The following PCDHGB2 variants were observed in gnomAD, a reference collection of about 807,000 sequenced individuals.
The protein encoded by PCDHGB2 is protocadherin gamma subfamily B, 2.
Under a neutral mutation model 59.3 loss-of-function variants are expected in PCDHGB2, and 55 were observed. The ratio of observed to expected loss-of-function variants is 0.93; its 90% CI spans 0.75 to 1.16. PCDHGB2 has a LOEUF of 1.16. Among genes scored for constraint, PCDHGB2 ranks in the 50% most tolerant of loss-of-function variants. PCDHGB2 has a pLI of 0.00. For synonymous variants in PCDHGB2, 516 were observed against 512.0 expected (o/e 1.01, Z -0.11); for missense variants, 1,228 against 1,198.5 (o/e 1.02, Z -0.36).
chr5:141,502,601 A>G (rs2099815205), intron 2 of PCDHGB2, among the ~76,000 whole-genome samples: 1 of 152,218 alleles, frequency 6.6e-6, no homozygotes, highest in Non-Finnish European at 1.5e-5. Flanking sequence ...ATATTTTAAA[A>G]TATTTGTGAA....
At chr5:141,398,284 G>A (rs1462851627) in intron 1 of PCDHGB2, 1 of 1,400,106 alleles carries the variant, frequency 7.1e-7, no homozygotes, top group Non-Finnish European at 9.8e-7. Flanking sequence ...CCTCGCCACG[G>A]ACCTGGGGTT....
rs2096651086 is a variant in PCDHGB2 at position 141,422,486 on chromosome 5, A to G, written c.2421+59930A>G. Reference sequence around the variant, plus strand: ...GACAGGGAGTTGGTCCAGAGCTACAATATAACGTTGACAGCCACAGACCAG... The same window carrying G: ...GACAGGGAGTTGGTCCAGAGCTACAGTATAACGTTGACAGCCACAGACCAG... On this transcript the variant is annotated intron_variant, in intron 1 of 3. Coordinates refer to ENST00000522605, the MANE Select transcript of PCDHGB2 (RefSeq NM_018923.3). The G allele has an allele frequency of 1.2e-6, 2 of 1,613,852 alleles. No individual in the cohort carries two copies. The highest frequency in any genetic ancestry group is 1.3e-5 in the African/African-American group (1 of 74,924).
intron 1 of PCDHGB2, among the ~76,000 whole-genome samples, chr5:141,382,425 AAG>A (rs1778199818): frequency 6.6e-6 from 1 of 152,212 alleles, no homozygotes; most frequent in Admixed American, 6.5e-5. Flanking sequence ...CAGTGCCCAA[AAG>A]AGTCACTTGA....
chr5:141,400,713 T>G (rs1225008709), intron 1 of PCDHGB2: 1 of 686,914 alleles, frequency 1.5e-6, no homozygotes, highest in Admixed American at 3.0e-5. Flanking sequence ...GAAGTAGCCT[T>G]ATAGATTTAC....
chr5:141,431,868 A>G lies in PCDHGB2; in HGVS notation c.2422-62939A>G, dbSNP rs755283039. On this transcript the variant is annotated intron_variant, in intron 1 of 3. Coordinates refer to ENST00000522605, the MANE Select transcript of PCDHGB2 (RefSeq NM_018923.3). This position sits in a 1 kb window ranked among gnomAD's most constrained non-coding sequence, Gnocchi z 4.8. ...AGAGGGACATTAATTGCCCTTTTAAATGTAAATGACCAAGATTCTGAGGAA... is the reference window on the plus strand; with the variant it reads ...AGAGGGACATTAATTGCCCTTTTAAGTGTAAATGACCAAGATTCTGAGGAA... 4.3e-6 allele frequency: 7 copies of G among 1,614,102 alleles called. No individual in the cohort carries two copies. In the South Asian group the frequency reaches 6.6e-5, roughly 15 times the overall value.
intron 1 of PCDHGB2, chr5:141,419,724 G>A (rs200134846): frequency 1.9e-4 from 301 of 1,613,488 alleles, no homozygotes; most frequent in South Asian, 1.2e-3. Context: ...CTGGGGCTGC[G>A]AACAGGCGAG....
intron 1 of PCDHGB2, among the ~76,000 whole-genome samples, chr5:141,474,417 C>CCATT (rs1206525105): frequency 6.6e-6 from 1 of 152,222 alleles, no homozygotes; most frequent in East Asian, 1.9e-4. Context: ...GATGCCTAGA[C>CCATT]CATTGGTCCT....
At position 141,383,491 on chromosome 5, in the gene PCDHGB2, C is replaced by T. The variant is rs116533786; in HGVS notation, c.2421+20935C>T. The T allele has an allele frequency of 1.9e-6, 3 of 1,613,000 alleles. No individual in the cohort carries two copies. The highest frequency in any genetic ancestry group is 2.5e-6 in the Non-Finnish European group (3 of 1,179,496). On this transcript the variant is annotated intron_variant, in intron 1 of 3. Coordinates refer to ENST00000522605, the MANE Select transcript of PCDHGB2 (RefSeq NM_018923.3). Reference sequence around the variant, plus strand: ...TAAGTACCCGGAACTGGTGCTGGAGCGGGTGCTGGACCGGGAGGAAGAGCG... The same window carrying T: ...TAAGTACCCGGAACTGGTGCTGGAGTGGGTGCTGGACCGGGAGGAAGAGCG...
At chr5:141,362,927 A>G (rs940614958) in intron 1 of PCDHGB2, among the ~76,000 whole-genome samples, 2 of 152,224 alleles carry the variant, frequency 1.3e-5, no homozygotes, top group African/African-American at 2.4e-5. Context: ...GAGTAAAGAG[A>G]GTCTTCATTT....
chr5:141,481,030 C>A (rs1277171839), intron 1 of PCDHGB2, among the ~76,000 whole-genome samples: 1 of 152,024 alleles, frequency 6.6e-6, no homozygotes, highest in African/African-American at 2.4e-5. Context: ...TGCACTCCAG[C>A]CTGGGCGACA....
rs1394234849 is a variant in PCDHGB2 at position 141,415,739 on chromosome 5, GGTTT to G, written c.2421+53184_2421+53187del. The G allele has an allele frequency of 1.9e-3, 837 of 434,806 alleles. 9 individuals are homozygous for G. In the African/African-American group the frequency reaches 0.026, roughly 14 times the overall value. The allele number at this position is 434,806 out of a possible 1,614,324, so 26.9% of individuals were successfully genotyped here. A position where few individuals can be genotyped will look rare whatever the true frequency, so the allele number is the denominator to read the frequency against. On this transcript the variant is annotated intron_variant, in intron 1 of 3. Coordinates refer to ENST00000522605, the MANE Select transcript of PCDHGB2 (RefSeq NM_018923.3). ...ATGAGTAGAATTTGATGTTTATTAAGGTTTTTTTTTTTTTTTTTTTTTTTTTTTT... is the reference window on the plus strand; with the variant it reads ...ATGAGTAGAATTTGATGTTTATTAAGTTTTTTTTTTTTTTTTTTTTTTTTT...
At chr5:141,461,892 C>T (rs976827774) in intron 1 of PCDHGB2, among the ~76,000 whole-genome samples, 2 of 152,030 alleles carry the variant, frequency 1.3e-5, no homozygotes, top group Non-Finnish European at 2.9e-5. Context: ...GGCACGATCT[C>T]GGCTCACTGC....
chr5:141,443,827 G>A (rs1425599112), intron 1 of PCDHGB2, among the ~76,000 whole-genome samples: 1 of 152,054 alleles, frequency 6.6e-6, no homozygotes, highest in African/African-American at 2.4e-5. Context: ...ACATAATTAG[G>A]TAAAATGGGT....
Position 141,404,436 on chromosome 5 carries a change from C to T in PCDHGB2, c.2421+41880C>T. On this transcript the variant is annotated intron_variant, in intron 1 of 3. Transcript: ENST00000522605. Reference sequence around the variant, plus strand: ...GTTATTTACTCCTTGGCAGAGGATACCATCCAAGGGTCTCCTCTCTCCACC... The same window carrying T: ...GTTATTTACTCCTTGGCAGAGGATATCATCCAAGGGTCTCCTCTCTCCACC... 1.9e-6 allele frequency: 3 copies of T among 1,612,706 alleles called. No individual in the cohort carries two copies. In the East Asian group the frequency reaches 6.7e-5, roughly 36 times the overall value.
In PCDHGB2 at chr5:141,432,330, A is replaced by G. The variant is rs760184218; in HGVS notation, c.2422-62477A>G. 82 of 1,614,134 alleles carry G rather than the reference A, an allele frequency of 5.1e-5. No individual in the cohort carries two copies. The highest frequency in any genetic ancestry group is 6.8e-5 in the Non-Finnish European group (80 of 1,180,048). Reference sequence around the variant, plus strand: ...GCGCTGAGCTCCTTCGACTACGAGCAGTTCCGAGACTTGCAAGTGAAAGTG... The same window carrying G: ...GCGCTGAGCTCCTTCGACTACGAGCGGTTCCGAGACTTGCAAGTGAAAGTG... On this transcript the variant is annotated intron_variant, in intron 1 of 3. Transcript: ENST00000522605. The surrounding 1 kb of genome is among the most constrained non-coding windows in gnomAD (Gnocchi z 6.0).
intron 1 of PCDHGB2, chr5:141,409,468 C>A: frequency 2.5e-6 from 4 of 1,613,948 alleles, no homozygotes; most frequent in Non-Finnish European, 3.4e-6. Context: ...ATGTCACCAT[C>A]GTAGCCACTG....
At chr5:141,404,524 G>A (rs368795324) in intron 1 of PCDHGB2, 2 of 1,613,820 alleles carry the variant, frequency 1.2e-6, no homozygotes, top group African/African-American at 1.3e-5. Context: ...ACTATGAGCA[G>A]TTTAGAGATT....
At chr5:141,474,854 T>G (rs1007461186) in intron 1 of PCDHGB2, among the ~76,000 whole-genome samples, 3 of 152,260 alleles carry the variant, frequency 2.0e-5, no homozygotes, top group African/African-American at 7.2e-5. Flanking sequence ...CCTGCCTTCT[T>G]CATTTAATAG....
intron 1 of PCDHGB2, chr5:141,383,490 G>A: frequency 6.2e-7 from 1 of 1,613,286 alleles, no homozygotes; most frequent in South Asian, 1.1e-5. Flanking sequence ...TGGTGCTGGA[G>A]CGGGTGCTGG....
Sources: gnomAD v4.1 joint callset for allele counts (sites outside exome capture counted in the v4.1 genomes callset) on GRCh38, gnomAD v4.1.1 for gene constraint, Gnocchi (gnomAD v3.1) non-coding constraint, MANE v1.5 for transcripts, NCBI Gene and HGNC (gene_info 2026-07-23, HGNC 2026-07-21) for gene names.